Variants in ACTMAP observed in about 807,000 individuals in gnomAD.
ACTMAP encodes actin maturation protease.
the ACTMAP span, chr19:40,749,746 C>T: frequency 2.0e-6 from 3 of 1,491,806 alleles, no homozygotes; most frequent in African/African-American, 2.9e-5. Flanking sequence ...GCTTGGGGTA[C>T]AGGGGTTTTT....
chr19:40,742,841 CGCCCTCTCCCG>C, the ACTMAP span: 16 of 1,417,552 alleles, frequency 1.1e-5, no homozygotes, highest in Non-Finnish European at 1.4e-5. Context: ...CACTAAGTTC[CGCCCTCTCCCG>C]GCCCTCCAGG....
At chr19:40,742,006 G>T in the ACTMAP span, 3 of 452,644 alleles carry the variant, frequency 6.6e-6, no homozygotes, top group Non-Finnish European at 1.3e-5. Context: ...ATGATCCGGG[G>T]ATTTGAACAA....
chr19:40,748,225 A>G, the ACTMAP span, among the ~76,000 whole-genome samples: 1 of 152,002 alleles, frequency 6.6e-6, no homozygotes, highest in Non-Finnish European at 1.5e-5. Context: ...CCACTTTGGG[A>G]GGCTGAGGCA....
At chr19:40,749,973 G>A in the ACTMAP span, 1 of 523,496 alleles carries the variant, frequency 1.9e-6, no homozygotes, top group Non-Finnish European at 3.2e-6. Flanking sequence ...GAAACCACGG[G>A]AGCAGGAATT....
the ACTMAP span, chr19:40,744,817 C>G: frequency 1.5e-6 from 2 of 1,343,240 alleles, no homozygotes; most frequent in Non-Finnish European, 2.0e-6. Context: ...AGACCTGACT[C>G]CCCTTCAGGG....
the ACTMAP span, chr19:40,742,758 C>G: frequency 6.2e-7 from 1 of 1,607,476 alleles, no homozygotes; most frequent in African/African-American, 1.3e-5. Flanking sequence ...AGCCCGAACA[C>G]CCAGCAGGAC....
At chr19:40,750,226 G>T in the ACTMAP span, 71,102 of 155,246 alleles carry the variant, frequency 0.46, 17,263 homozygotes, top group South Asian at 0.58. Context: ...AAGATTCGGA[G>T]AACTTAGGTT....
chr19:40,749,094 G>T, the ACTMAP span, among the ~76,000 whole-genome samples: 1 of 150,630 alleles, frequency 6.6e-6, no homozygotes, highest in East Asian at 2.0e-4. Flanking sequence ...GGGTTCAAGC[G>T]ATTCTCCCGC....
At chr19:40,744,420 C>A in the ACTMAP span, 6 of 1,448,290 alleles carry the variant, frequency 4.1e-6, no homozygotes, top group Non-Finnish European at 5.6e-6. Context: ...CATCTTGTAA[C>A]CTCTCTGCTC....
At chr19:40,742,313 A>AGGAGGACT in the ACTMAP span, 1 of 1,026,832 alleles carries the variant, frequency 9.7e-7, no homozygotes, top group Non-Finnish European at 1.4e-6. Flanking sequence ...GCCCTGATGA[A>AGGAGGACT]GGAGGACTGG....
At chr19:40,749,751 G>A in the ACTMAP span, 6 of 1,487,008 alleles carry the variant, frequency 4.0e-6, no homozygotes, top group South Asian at 6.7e-5. Context: ...GGGTACAGGG[G>A]TTTTTGGAGG....
At chr19:40,748,456 G>A in the ACTMAP span, among the ~76,000 whole-genome samples, 2 of 152,016 alleles carry the variant, frequency 1.3e-5, no homozygotes, top group Non-Finnish European at 2.9e-5. Flanking sequence ...CTTCAGCCAG[G>A]CAATCACTAA....
the ACTMAP span, chr19:40,742,526 A>G: frequency 6.4e-7 from 1 of 1,564,548 alleles, no homozygotes; most frequent in Non-Finnish European, 8.7e-7. Flanking sequence ...CCCGGCCGTC[A>G]GTGGCCCGTG....
chr19:40,744,608 T>A, the ACTMAP span: 40 of 1,613,680 alleles, frequency 2.5e-5, no homozygotes, highest in Non-Finnish European at 3.3e-5. Flanking sequence ...TGGCCACCCG[T>A]ATGAGTCTCT....
the ACTMAP span, among the ~76,000 whole-genome samples, chr19:40,743,204 A>C: frequency 2.2e-3 from 336 of 150,768 alleles, 2 homozygotes; most frequent in African/African-American, 7.9e-3. Context: ...TAATACTTAC[A>C]GAGACATGTC....
At chr19:40,746,639 T>C in the ACTMAP span, among the ~76,000 whole-genome samples, 1 of 152,196 alleles carries the variant, frequency 6.6e-6, no homozygotes, top group Admixed American at 6.5e-5. Context: ...CCTACCAAAG[T>C]GCTGGGATCA....
At chr19:40,749,423 A>G in the ACTMAP span, 1 of 1,372,486 alleles carries the variant, frequency 7.3e-7, no homozygotes, top group Non-Finnish European at 9.9e-7. Context: ...CCACCCCAAG[A>G]GATCTGTGAA....
the ACTMAP span, chr19:40,745,313 G>T: frequency 9.8e-7 from 1 of 1,020,458 alleles, no homozygotes; most frequent in Non-Finnish European, 1.5e-6. Flanking sequence ...GGGCCTGGCT[G>T]TCCTAAGGCT....
the ACTMAP span, chr19:40,742,779 G>T: frequency 1.2e-6 from 2 of 1,600,224 alleles, no homozygotes; most frequent in Non-Finnish European, 1.7e-6. Flanking sequence ...CCCTGGGGGA[G>T]AGGAGAAGGT....
Sources: allele counts gnomAD v4.1 joint callset (sites outside exome capture counted in the v4.1 genomes callset), GRCh38; gene constraint gnomAD v4.1.1; transcripts MANE v1.5; gene names NCBI Gene and HGNC (gene_info 2026-07-23, HGNC 2026-07-21).